The following TLL1 variants were observed in gnomAD, a reference collection of about 807,000 sequenced individuals.
TLL1 encodes tolloid-like protein 1.
Under a neutral mutation model 128.2 loss-of-function variants are expected in TLL1, and 49 were observed. The ratio of observed to expected loss-of-function variants is 0.38; its 90% CI spans 0.30 to 0.48. The LOEUF is 0.48. Among genes scored for constraint, TLL1 ranks in the 20% least tolerant of loss-of-function variants. The pLI is 0.96. For missense variants in TLL1, 1,123 were observed against 1,242.0 expected (o/e 0.90, Z 1.44); for synonymous variants, 454 against 418.8 (o/e 1.08, Z -1.03).
At chr4:165,949,810 T>C (rs1382169867) in intron 1 of TLL1, among the ~76,000 whole-genome samples, 1 of 152,152 alleles carries the variant, frequency 6.6e-6, no homozygotes, top group African/African-American at 2.4e-5. Context: ...GTGGGAATTA[T>C]GGCAGATACA....
Position 166,065,878 on chromosome 4 carries a change from A to T in TLL1, c.2188+15A>T, listed in dbSNP as rs753665376. 1 of 1,584,746 alleles carries T rather than the reference A, an allele frequency of 6.3e-7. No individual in the cohort carries two copies. Among genetic ancestry groups the T allele is most frequent in the Non-Finnish European group, 8.6e-7 (1 of 1,164,130 alleles). On this transcript the variant is annotated intron_variant, in intron 16 of 20. Transcript: ENST00000061240. ...TTTTTTCTCAGGTATAAGCATTCAC[A>T]TGTTGTATGTGTATATTACAGATTT...
At chr4:166,038,739 G>A (rs1169915794) in intron 9 of TLL1, among the ~76,000 whole-genome samples, 1 of 152,130 alleles carries the variant, frequency 6.6e-6, no homozygotes, top group African/African-American at 2.4e-5. Flanking sequence ...AAAGGTCTTT[G>A]TATATACATC....
chr4:165,884,324 A>G (rs541948579), intron 1 of TLL1, among the ~76,000 whole-genome samples: 2 of 152,284 alleles, frequency 1.3e-5, no homozygotes, highest in Non-Finnish European at 2.9e-5. Context: ...GTTCTTATAC[A>G]TTTTTGCTGG....
At position 165,873,973 on chromosome 4, in the gene TLL1, G is replaced by A; in HGVS notation, c.69G>A (p.Gly23=). The change falls in exon 1 of 21, where the codon GGG becomes GGA. Residue 23 remains glycine (G), a synonymous_variant. Coordinates refer to ENST00000061240, the MANE Select transcript of TLL1 (RefSeq NM_012464.5). ...TGGCCTCGGGGATTGTTTTCTACGG[G>A]GAGCTATGGGTCTGCGCTGGCCTCG... ...WLVASGIVFY[G]ELWVCAGLDY... 2.5e-6 allele frequency: 4 copies of A among 1,614,170 alleles called. No individual in the cohort carries two copies. The highest frequency in any genetic ancestry group is 3.4e-6 in the Non-Finnish European group (4 of 1,180,028).
At chr4:165,963,984 A>G (rs566080633) in intron 1 of TLL1, among the ~76,000 whole-genome samples, 15 of 152,290 alleles carry the variant, frequency 9.8e-5, no homozygotes, top group Non-Finnish European at 1.9e-4. Context: ...TCCTACTGCA[A>G]ATCTCCCATC....
intron 1 of TLL1, among the ~76,000 whole-genome samples, chr4:165,905,199 A>G (rs1267046033): frequency 6.6e-6 from 1 of 152,196 alleles, no homozygotes; most frequent in Non-Finnish European, 1.5e-5. Context: ...CAGCTATCCC[A>G]TTCGTATACA....
At chr4:165,960,977 A>C (rs1735070873) in intron 1 of TLL1, among the ~76,000 whole-genome samples, 1 of 152,096 alleles carries the variant, frequency 6.6e-6, no homozygotes, top group South Asian at 2.1e-4. Context: ...ACCCGGAATA[A>C]TCAGGCAAGA....
intron 9 of TLL1, among the ~76,000 whole-genome samples, chr4:166,027,426 G>T (rs535755224): frequency 6.6e-6 from 1 of 152,222 alleles, no homozygotes; most frequent in South Asian, 2.1e-4. Flanking sequence ...GATAATCATG[G>T]GTATGGAGTT....
chr4:165,907,216 T>A (rs1732302203), intron 1 of TLL1, among the ~76,000 whole-genome samples: 1 of 152,194 alleles, frequency 6.6e-6, no homozygotes. Context: ...GTCATAGTAA[T>A]GTTTTTGTTA....
At chr4:165,894,837 T>C (rs1037331172) in intron 1 of TLL1, among the ~76,000 whole-genome samples, 2 of 138,226 alleles carry the variant, frequency 1.4e-5, no homozygotes, top group African/African-American at 5.8e-5. Flanking sequence ...TTTTGTCAAA[T>C]GATGAGTGTG....
intron 9 of TLL1, among the ~76,000 whole-genome samples, chr4:166,037,763 G>T (rs1739067194): frequency 6.6e-6 from 1 of 151,758 alleles, no homozygotes; most frequent in Non-Finnish European, 1.5e-5. Context: ...AGCTGATACT[G>T]CTCCACTGCA....
chr4:165,966,275 C>T (rs183301243), intron 1 of TLL1, among the ~76,000 whole-genome samples: 11 of 151,700 alleles, frequency 7.3e-5, no homozygotes, highest in South Asian at 4.2e-4. Context: ...GATCACTAGA[C>T]GATTGGAAAG....
intron 1 of TLL1, among the ~76,000 whole-genome samples, chr4:165,926,774 C>T (rs1561032952): frequency 6.6e-6 from 1 of 152,170 alleles, no homozygotes; most frequent in Non-Finnish European, 1.5e-5. Flanking sequence ...TCCCAGCCAG[C>T]TAGCTTTACT....
intron 9 of TLL1, among the ~76,000 whole-genome samples, chr4:166,037,559 A>G (rs1447464627): frequency 6.6e-6 from 1 of 152,184 alleles, no homozygotes; most frequent in Non-Finnish European, 1.5e-5. Flanking sequence ...CTGCAATCCC[A>G]GAGTTTGGGA....
At chr4:165,957,997 G>A (rs1212843847) in intron 1 of TLL1, among the ~76,000 whole-genome samples, 3 of 150,872 alleles carry the variant, frequency 2.0e-5, no homozygotes, top group Admixed American at 1.3e-4. Flanking sequence ...TACTGAGAAC[G>A]ATGATTTCCA....
chr4:165,932,670 A>G (rs1198992669), intron 1 of TLL1, among the ~76,000 whole-genome samples: 1 of 151,656 alleles, frequency 6.6e-6, no homozygotes, highest in Non-Finnish European at 1.5e-5. Flanking sequence ...TTTGTTTGTA[A>G]TCTGTTGTTA....
intron 6 of TLL1, among the ~76,000 whole-genome samples, chr4:166,006,872 G>A (rs374340067): frequency 2.6e-5 from 4 of 151,554 alleles, no homozygotes; most frequent in Admixed American, 6.6e-5. Flanking sequence ...CCTTTATCAC[G>A]TATTGGAGAG....
intron 1 of TLL1, among the ~76,000 whole-genome samples, chr4:165,950,118 T>G (rs1734438245): frequency 6.6e-6 from 1 of 151,454 alleles, no homozygotes. Context: ...AAAGCTAGAG[T>G]GTCAATATTA....
At chr4:165,916,388 T>G (rs1732775738) in intron 1 of TLL1, among the ~76,000 whole-genome samples, 1 of 152,330 alleles carries the variant, frequency 6.6e-6, no homozygotes, top group Middle Eastern at 3.4e-3. Flanking sequence ...CACTTAAGAT[T>G]TGTAAATTTT....
Sources: gnomAD v4.1 joint callset for allele counts (sites outside exome capture counted in the v4.1 genomes callset) on GRCh38, gnomAD v4.1.1 for gene constraint, MANE v1.5 for transcripts, NCBI Gene and HGNC (gene_info 2026-07-23, HGNC 2026-07-21) for gene names.